TMEM117: variants seen among roughly 807,000 people sequenced by gnomAD.
TMEM117 encodes transmembrane protein 117.
A neutral mutation model predicts 52.4 loss-of-function variants in TMEM117; 27 were observed. The ratio of observed to expected loss-of-function variants is 0.51; its 90% CI spans 0.38 to 0.71. TMEM117 has a LOEUF of 0.71. TMEM117 is among the 30% of genes least tolerant of loss of function. The pLI is 0.00. For missense variants in TMEM117, 556 were observed against 630.5 expected (o/e 0.88, Z 1.26); for synonymous variants, 215 against 206.3 (o/e 1.04, Z -0.36).
rs191547348 is a variant in TMEM117 at position 44,347,641 on chromosome 12, C to T, written c.769-28954C>T. Among the ~76,000 whole-genome samples, 877 of 152,102 alleles carry T rather than the reference C, an allele frequency of 5.8e-3. 6 individuals are homozygous for T. The highest frequency in any genetic ancestry group is 0.037 in the Middle Eastern group (11 of 294). On this transcript the variant is annotated intron_variant, in intron 6 of 7. Transcript: ENST00000266534. ...TTTAAGATGGTAACAATCTTCAGTG[C>T]AGCTGTCCCTTCTCTCTTGGGAAGC...
intron 5 of TMEM117, among the ~76,000 whole-genome samples, chr12:44,260,603 G>A (rs1208818961): frequency 2.0e-5 from 3 of 152,096 alleles, no homozygotes; most frequent in South Asian, 4.1e-4. Context: ...AGGGAAAATT[G>A]CTCTAGTCAT....
At chr12:44,099,423 A>G (rs1254385153) in intron 3 of TMEM117, among the ~76,000 whole-genome samples, 3 of 152,090 alleles carry the variant, frequency 2.0e-5, no homozygotes, top group Non-Finnish European at 4.4e-5. Context: ...TACTTTTAAC[A>G]CTTTTCCATA....
chr12:44,077,929 A>G (rs1947408087), intron 3 of TMEM117, among the ~76,000 whole-genome samples: 1 of 152,100 alleles, frequency 6.6e-6, no homozygotes, highest in South Asian at 2.1e-4. Flanking sequence ...CAATACCAAA[A>G]TATGTTGTTG....
intron 4 of TMEM117, among the ~76,000 whole-genome samples, chr12:44,187,544 G>A (rs1328598297): frequency 2.0e-5 from 3 of 152,066 alleles, no homozygotes; most frequent in African/African-American, 7.2e-5. Context: ...TATGTGCTAA[G>A]GAAATTCAGA....
intron 5 of TMEM117, among the ~76,000 whole-genome samples, chr12:44,293,752 T>G (rs1046692745): frequency 6.6e-6 from 1 of 152,168 alleles, no homozygotes; most frequent in Non-Finnish European, 1.5e-5. Flanking sequence ...CTTTATATTG[T>G]ATATCTTTAA....
At chr12:44,120,077 C>T (rs983070620) in intron 3 of TMEM117, among the ~76,000 whole-genome samples, 5 of 151,978 alleles carry the variant, frequency 3.3e-5, no homozygotes, top group African/African-American at 1.2e-4. Context: ...AGAGATGGGG[C>T]CTGGAGGTAG....
chr12:43,814,991 C>T, the TMEM117 span, among the ~76,000 whole-genome samples: 9 of 152,054 alleles, frequency 5.9e-5, no homozygotes, highest in South Asian at 2.1e-4. Flanking sequence ...GTGATCCGCC[C>T]GCCTCGGCCT....
At chr12:43,833,073 C>T (rs1942991816), upstream of TMEM117, among the ~76,000 whole-genome samples, 2 of 152,212 alleles carry the variant, frequency 1.3e-5, no homozygotes, top group South Asian at 2.1e-4. Flanking sequence ...ATGCTGAAAA[C>T]AAGCCTTGCC....
At chr12:43,873,683 C>T (rs1471061881) in intron 2 of TMEM117, among the ~76,000 whole-genome samples, 2 of 151,378 alleles carry the variant, frequency 1.3e-5, no homozygotes, top group East Asian at 3.9e-4. Context: ...CCTATTTTTA[C>T]TGTATCTTTC....
intron 5 of TMEM117, among the ~76,000 whole-genome samples, chr12:44,280,512 C>A (rs967037867): frequency 6.6e-6 from 1 of 152,092 alleles, no homozygotes; most frequent in African/African-American, 2.4e-5. Flanking sequence ...CTCAGCCACC[C>A]CTCATACATG....
intron 5 of TMEM117, among the ~76,000 whole-genome samples, chr12:44,227,688 A>C (rs1023642347): frequency 1.3e-5 from 2 of 152,124 alleles, no homozygotes; most frequent in Admixed American, 6.6e-5. Context: ...CAATGTAGAA[A>C]GGTCCTTTTT....
rs576548965 is a variant in TMEM117 at position 44,060,366 on chromosome 12, T to C, written c.411-83159T>C. On this transcript the variant is annotated intron_variant, in intron 3 of 7. Transcript: ENST00000266534. Reference sequence around the variant, plus strand: ...GAACAGGTGGAATTTGTCTAGTCTTTGAAGGAACTTAGAATTTAAGTTACA... The same window carrying C: ...GAACAGGTGGAATTTGTCTAGTCTTCGAAGGAACTTAGAATTTAAGTTACA... Among the ~76,000 whole-genome samples the C allele has an allele frequency of 3.3e-4, 50 of 152,306 alleles. 1 individual carries two copies. Among genetic ancestry groups the C allele is most frequent in the African/African-American group, 1.2e-3 (49 of 41,566 alleles).
At chr12:44,253,243 A>G (rs1241682145) in intron 5 of TMEM117, among the ~76,000 whole-genome samples, 2 of 152,222 alleles carry the variant, frequency 1.3e-5, no homozygotes. Flanking sequence ...TATTTTTTAA[A>G]TTATATGATC....
At chr12:44,165,538 A>T (rs1417700155) in intron 4 of TMEM117, among the ~76,000 whole-genome samples, 1 of 152,176 alleles carries the variant, frequency 6.6e-6, no homozygotes, top group Non-Finnish European at 1.5e-5. Context: ...GGAAAAAGAT[A>T]CTCCACACAA....
chr12:43,981,793 A>AT (rs1945764997), intron 3 of TMEM117, among the ~76,000 whole-genome samples: 1 of 152,178 alleles, frequency 6.6e-6, no homozygotes, highest in African/African-American at 2.4e-5. Flanking sequence ...GGAATTGCAA[A>AT]GAAAAAAAAT....
intron 2 of TMEM117, among the ~76,000 whole-genome samples, chr12:43,875,099 AC>A (rs1311556128): frequency 6.6e-6 from 1 of 152,258 alleles, no homozygotes; most frequent in Non-Finnish European, 1.5e-5. Context: ...AGTAATAGAT[AC>A]AAGTCGCCCA....
chr12:44,050,641 G>C (rs1946955977), intron 3 of TMEM117, among the ~76,000 whole-genome samples: 1 of 152,146 alleles, frequency 6.6e-6, no homozygotes, highest in Non-Finnish European at 1.5e-5. Flanking sequence ...TAACATTGAT[G>C]AAACAAACAT....
At chr12:43,831,424 T>C (rs1942981333), upstream of TMEM117, among the ~76,000 whole-genome samples, 1 of 152,118 alleles carries the variant, frequency 6.6e-6, no homozygotes, top group South Asian at 2.1e-4. Flanking sequence ...TTTTGAAATG[T>C]ACATTGAGCA....
chr12:43,817,655 C>T, the TMEM117 span, among the ~76,000 whole-genome samples: 1 of 152,170 alleles, frequency 6.6e-6, no homozygotes, highest in Admixed American at 6.5e-5. Flanking sequence ...TATATGAACA[C>T]AGTCATCCTA....
Sources: allele counts gnomAD v4.1 joint callset (sites outside exome capture counted in the v4.1 genomes callset), GRCh38; gene constraint gnomAD v4.1.1; transcripts MANE v1.5; gene names NCBI Gene and HGNC (gene_info 2026-07-23, HGNC 2026-07-21).